Variants in UBLCP1 observed in about 807,000 individuals in gnomAD.
UBLCP1 encodes ubiquitin like domain containing CTD phosphatase 1.
UBLCP1 carries 28 observed loss-of-function variants against 42.4 expected under a neutral mutation model. The observed-to-expected ratio is 0.66, with a 90% CI of 0.49 to 0.90. The LOEUF is 0.90. Among genes scored for constraint, UBLCP1 ranks in the 40% least tolerant of loss-of-function variants. UBLCP1 has a pLI of 0.00. For synonymous variants in UBLCP1, 122 were observed against 120.8 expected (o/e 1.01, Z -0.07); for missense variants, 279 against 374.5 (o/e 0.75, Z 2.10).
chr5:159,270,270 A>G, intron 3 of UBLCP1, 90 bp from the exon 4 acceptor site: 1 of 1,121,556 alleles, frequency 8.9e-7, no homozygotes, highest in Non-Finnish European at 1.3e-6. Flanking sequence ...CTGGAACTCA[A>G]ATTGTATCTC....
chr5:159,270,076 T>C (rs1385103822), intron 3 of UBLCP1, 77 bp downstream of exon 3: 3 of 1,245,476 alleles, frequency 2.4e-6, no homozygotes, highest in Admixed American at 2.6e-5. Flanking sequence ...ATTATAGTTT[T>C]AATTGTGGTA....
intron 5 of UBLCP1, 137 bp from the exon 6 acceptor site, chr5:159,271,886 C>A (rs117275544): frequency 1.1e-5 from 6 of 542,240 alleles, no homozygotes; most frequent in Non-Finnish European, 1.9e-5. Flanking sequence ...TGTCAGCCAA[C>A]GTAATTCAGT....
chr5:159,275,480 T>TTAG, intron 8 of UBLCP1: 4 of 280,670 alleles, frequency 1.4e-5, no homozygotes, highest in South Asian at 3.9e-5. Flanking sequence ...TGGTGCAATC[T>TTAG]CGCTCACGCA....
At position 159,269,901 on chromosome 5, in the gene UBLCP1, A is replaced by G. The variant is rs1300312766; in HGVS notation, c.155-7A>G. 7 of 1,610,308 alleles carry G rather than the reference A, an allele frequency of 4.3e-6. No homozygotes were observed. The Admixed American group carries it at 6.7e-5, about 15-fold the overall frequency. On this transcript the variant is annotated splice_region_variant and splice_polypyrimidine_tract_variant and intron_variant, in intron 2 of 10. Transcript: ENST00000296786. ...AGTGAGAAAACAGTCATTTGCTTGT[A>G]TTGTAGGCAAACCTGCAGAAAATGA...
rs778884159 is a variant in UBLCP1 at position 159,278,371 on chromosome 5, C to T, written c.801+17C>T. On this transcript the variant is annotated intron_variant, in intron 9 of 10. Coordinates refer to ENST00000296786, the MANE Select transcript of UBLCP1 (RefSeq NM_145049.5). ...GGACTAAAGGTAAGACATACTTTTA[C>T]TTGTTATGTGCTCATGTAATCTGGG... The T allele has an allele frequency of 4.0e-6, 6 of 1,495,400 alleles. No individual in the cohort carries two copies. In the Admixed American group the frequency reaches 6.7e-5, roughly 17 times the overall value. 92.6% of individuals were successfully genotyped at this position (1,495,400 alleles called of 1,614,324 possible).
chr5:159,276,637 G>GTA (rs1753540975), intron 8 of UBLCP1, among the ~76,000 whole-genome samples: 1 of 152,216 alleles, frequency 6.6e-6, no homozygotes, highest in South Asian at 2.1e-4. Flanking sequence ...ATAAGGGACT[G>GTA]TAGCTCGTCA....
intron 9 of UBLCP1, among the ~76,000 whole-genome samples, chr5:159,279,667 A>G (rs1387616286): frequency 1.3e-5 from 2 of 152,248 alleles, no homozygotes; most frequent in African/African-American, 4.8e-5. Context: ...CCATAAGTAT[A>G]AAAACTGTTG....
intron 6 of UBLCP1, among the ~76,000 whole-genome samples, chr5:159,273,790 AT>A: frequency 6.6e-6 from 1 of 151,274 alleles, no homozygotes; most frequent in Non-Finnish European, 1.5e-5. Flanking sequence ...CATGCTGAAG[AT>A]TTTTTATTTT....
chr5:159,268,277 C>T (rs906579367), intron 1 of UBLCP1, among the ~76,000 whole-genome samples: 2 of 152,226 alleles, frequency 1.3e-5, no homozygotes, highest in African/African-American at 4.8e-5. Flanking sequence ...TTAACCAATA[C>T]TTAATTTATG....
At chr5:159,266,856 A>T (rs1425987952) in intron 1 of UBLCP1, among the ~76,000 whole-genome samples, 1 of 152,212 alleles carries the variant, frequency 6.6e-6, no homozygotes, top group Non-Finnish European at 1.5e-5. Flanking sequence ...GCCTGTGGGT[A>T]CACAGAAGTC....
chr5:159,273,158 T>G (rs1212230080), intron 6 of UBLCP1, among the ~76,000 whole-genome samples: 1 of 152,214 alleles, frequency 6.6e-6, no homozygotes, highest in Non-Finnish European at 1.5e-5. Flanking sequence ...CTGTTAAGAT[T>G]AAAATTATTG....
At chr5:159,266,431 T>G (rs1753392409) in intron 1 of UBLCP1, among the ~76,000 whole-genome samples, 1 of 152,220 alleles carries the variant, frequency 6.6e-6, no homozygotes, top group Admixed American at 6.5e-5. Context: ...ATTTGGGTAC[T>G]GTTAAAGGCA....
At chr5:159,269,148 G>C (rs1414766148) in intron 2 of UBLCP1, 79 bp downstream of exon 2, 1 of 1,087,266 alleles carries the variant, frequency 9.2e-7, no homozygotes, top group East Asian at 3.2e-5. Context: ...GAATATAATT[G>C]TTTAATAATT....
intron 9 of UBLCP1, among the ~76,000 whole-genome samples, chr5:159,279,737 G>GTGCTTTTCTTAATATGTAC (rs1753584769): frequency 2.0e-5 from 3 of 152,132 alleles, no homozygotes; most frequent in Admixed American, 6.5e-5. Context: ...TTGGAGAGAA[G>GTGCTTTTCTTAATATGTAC]TGCTTTTCTT....
At chr5:159,266,497 A>G (rs1364756150) in intron 1 of UBLCP1, among the ~76,000 whole-genome samples, 2 of 152,222 alleles carry the variant, frequency 1.3e-5, no homozygotes, top group Non-Finnish European at 1.5e-5. Flanking sequence ...CAGCCTGACT[A>G]TGCAGTAGAA....
At chr5:159,277,610 A>G (rs1230725064) in intron 8 of UBLCP1, among the ~76,000 whole-genome samples, 5 of 152,198 alleles carry the variant, frequency 3.3e-5, no homozygotes, top group South Asian at 2.1e-4. Flanking sequence ...ACAAATACCA[A>G]CAGGTAAGAC....
intron 9 of UBLCP1, among the ~76,000 whole-genome samples, chr5:159,281,341 A>G (rs192570921): frequency 1.2e-3 from 185 of 152,330 alleles, no homozygotes; most frequent in Non-Finnish European, 1.9e-4. Context: ...ACTTTAAAAC[A>G]TTACCATATC....
intron 1 of UBLCP1, among the ~76,000 whole-genome samples, chr5:159,263,829 T>C (rs1191063885): frequency 6.6e-6 from 1 of 152,238 alleles, no homozygotes; most frequent in Non-Finnish European, 1.5e-5. Context: ...TTGTTGAAAG[T>C]TAACCTCCCG....
chr5:159,269,186 T>C (rs1753434611), intron 2 of UBLCP1, 117 bp downstream of exon 2: 2 of 726,004 alleles, frequency 2.8e-6, no homozygotes, highest in Non-Finnish European at 3.9e-6. Context: ...GTTTAGTAAG[T>C]CTCTCCCTTT....
Sources: gnomAD v4.1 joint callset for allele counts (sites outside exome capture counted in the v4.1 genomes callset) on GRCh38, gnomAD v4.1.1 for gene constraint, MANE v1.5 for transcripts, NCBI Gene and HGNC (gene_info 2026-07-23, HGNC 2026-07-21) for gene names.